The following EIF4G3 variants were observed in gnomAD, a reference collection of about 807,000 sequenced individuals.
EIF4G3 encodes eIF-4-gamma 3.
Under a neutral mutation model 186.4 loss-of-function variants are expected in EIF4G3, and 34 were observed. The observed-to-expected ratio is 0.18, with a 90% CI of 0.14 to 0.24. EIF4G3 has a LOEUF of 0.24. Ranked by LOEUF, EIF4G3 falls within the 10% of genes least tolerant of loss-of-function variation. The pLI is 1.00. For synonymous variants in EIF4G3, 673 were observed against 679.5 expected (o/e 0.99, Z 0.15); for missense variants, 1,536 against 1,948.5 (o/e 0.79, Z 3.99).
intron 20 of EIF4G3, among the ~76,000 whole-genome samples, chr1:20,866,037 C>T (rs1411471087): frequency 6.6e-6 from 1 of 152,146 alleles, no homozygotes; most frequent in East Asian, 1.9e-4. Flanking sequence ...TTCTAATTTA[C>T]AGATGACATC....
At chr1:21,105,911 T>TA (rs1435825850) in intron 2 of EIF4G3, among the ~76,000 whole-genome samples, 1 of 151,844 alleles carries the variant, frequency 6.6e-6, no homozygotes, top group Non-Finnish European at 1.5e-5. Flanking sequence ...AAAATACAAA[T>TA]AAAAAATTAG....
chr1:21,009,236 A>G (rs1570887995), intron 4 of EIF4G3, among the ~76,000 whole-genome samples: 1 of 152,316 alleles, frequency 6.6e-6, no homozygotes, highest in Admixed American at 6.5e-5. Flanking sequence ...GCTAAAGTGC[A>G]GTGCTACCAA....
chr1:21,089,696 G>C (rs1391561164), intron 2 of EIF4G3, among the ~76,000 whole-genome samples: 4 of 150,244 alleles, frequency 2.7e-5, no homozygotes, highest in East Asian at 2.0e-4. Context: ...GAGGTGGTAG[G>C]ATCACTTGAG....
chr1:21,158,850 C>G (rs780900472), intron 2 of EIF4G3, among the ~76,000 whole-genome samples: 1 of 151,900 alleles, frequency 6.6e-6, no homozygotes, highest in Non-Finnish European at 1.5e-5. Flanking sequence ...TTGCTGTTAA[C>G]GAAACTCAAA....
chr1:21,176,593 T>TCCG (rs901105837), intron 1 of EIF4G3, 129 bp downstream of exon 1: 79 of 153,570 alleles, frequency 5.1e-4, no homozygotes, highest in South Asian at 1.4e-3. Flanking sequence ...CGCCGCCGCC[T>TCCG]CCGCCGCCGC....
chr1:21,013,942 G>A (rs2088001113), intron 4 of EIF4G3, among the ~76,000 whole-genome samples: 1 of 152,186 alleles, frequency 6.6e-6, no homozygotes, highest in Non-Finnish European at 1.5e-5. Flanking sequence ...GGCTGAGGTG[G>A]GTGGATCACC....
chr1:20,941,653 C>A lies in EIF4G3; in HGVS notation c.1501G>T (p.Ala501Ser). The A allele has an allele frequency of 6.2e-7, 1 of 1,613,974 alleles. No homozygotes were observed. The highest frequency in any genetic ancestry group is 2.2e-5 in the East Asian group (1 of 44,886). The change falls in exon 14 of 37, where the codon GCC (alanine) becomes TCC (serine). Residue 501 changes from alanine (A) to serine (S), a missense_variant. Around this residue, in one of 11 missense-constraint regions of EIF4G3, gnomAD observed 560 missense variants for 547.8 expected, o/e 1.02. Transcript: ENST00000602326. ...TCTAGGACTCTCTGGACTGTGATGGCAGCACTCGGAGAACTAACAGTAGTG... is the reference window on the plus strand; with the variant it reads ...TCTAGGACTCTCTGGACTGTGATGGAAGCACTCGGAGAACTAACAGTAGTG... ...AATTVSSPSA[A>S]ITVQRVLEED... is the part of the protein sequence containing the mutation.
At chr1:21,077,547 A>G (rs2095624442) in intron 3 of EIF4G3, among the ~76,000 whole-genome samples, 1 of 151,764 alleles carries the variant, frequency 6.6e-6, no homozygotes, top group Non-Finnish European at 1.5e-5. Flanking sequence ...ATGAGATTTC[A>G]TCTCCCTCCA....
intron 33 of EIF4G3, among the ~76,000 whole-genome samples, chr1:20,818,143 A>G (rs2061511263): frequency 6.6e-6 from 1 of 152,122 alleles, no homozygotes. Context: ...TAGCTGCAAC[A>G]TAGCTCTTTA....
chr1:21,038,424 T>C (rs995328381), intron 4 of EIF4G3, among the ~76,000 whole-genome samples: 1 of 152,194 alleles, frequency 6.6e-6, no homozygotes, highest in Non-Finnish European at 1.5e-5. Flanking sequence ...GGACCCTCTC[T>C]GGACCTACTA....
intron 6 of EIF4G3, among the ~76,000 whole-genome samples, chr1:21,000,497 G>A (rs1019502926): frequency 3.3e-5 from 5 of 152,040 alleles, no homozygotes; most frequent in African/African-American, 7.2e-5. Flanking sequence ...AGATGGGACA[G>A]CTGTGAGATG....
chr1:21,083,683 A>C (rs1379502173), intron 3 of EIF4G3, among the ~76,000 whole-genome samples: 2 of 152,190 alleles, frequency 1.3e-5, no homozygotes, highest in Admixed American at 1.3e-4. Flanking sequence ...AATAGTAAAA[A>C]TCAAATTAGA....
chr1:21,127,257 G>A lies in EIF4G3; in HGVS notation c.-271-38044C>T, dbSNP rs369163950. 7.2e-5 allele frequency among the ~76,000 whole-genome samples: 11 copies of A among 152,186 alleles called. No homozygotes were observed. In the East Asian group the frequency reaches 1.4e-3, roughly 19 times the overall value. ...TCCCCAAAGTGCTGGGATTACAGGC[G>A]TGATCTACCATGCCTGGCCTCCTTT... On this transcript the variant is annotated intron_variant, in intron 2 of 36. Coordinates refer to ENST00000602326, the MANE Select transcript of EIF4G3 (RefSeq NM_001391906.1).
chr1:20,995,245 A>C (rs1255175136), intron 7 of EIF4G3, among the ~76,000 whole-genome samples: 4 of 152,258 alleles, frequency 2.6e-5, no homozygotes, highest in Admixed American at 2.0e-4. Context: ...GAACCCAAGT[A>C]GCAGAAACAT....
intron 33 of EIF4G3, among the ~76,000 whole-genome samples, chr1:20,819,953 A>T (rs1190737745): frequency 6.6e-6 from 1 of 152,012 alleles, no homozygotes; most frequent in Non-Finnish European, 1.5e-5. Context: ...AGAGAGAGAG[A>T]CAGAGAGAGA....
At chr1:20,860,116 G>A (rs2076003853) in intron 24 of EIF4G3, among the ~76,000 whole-genome samples, 1 of 152,044 alleles carries the variant, frequency 6.6e-6, no homozygotes, top group Non-Finnish European at 1.5e-5. Context: ...TCCTTTTCTC[G>A]TCTCACCAAT....
chr1:21,048,786 G>A (rs1029825332), intron 4 of EIF4G3, among the ~76,000 whole-genome samples: 3 of 152,128 alleles, frequency 2.0e-5, no homozygotes, highest in East Asian at 1.9e-4. Context: ...AAGCCACACC[G>A]TGCCCTCTCC....
At chr1:20,846,243 T>C (rs1300300138) in intron 29 of EIF4G3, among the ~76,000 whole-genome samples, 4 of 152,120 alleles carry the variant, frequency 2.6e-5, no homozygotes, top group Non-Finnish European at 5.9e-5. Flanking sequence ...ACAGGGAGAG[T>C]TTGACTTCCT....
At chr1:21,105,165 G>C (rs2096593128) in intron 2 of EIF4G3, among the ~76,000 whole-genome samples, 1 of 152,240 alleles carries the variant, frequency 6.6e-6, no homozygotes, top group Non-Finnish European at 1.5e-5. Flanking sequence ...GCTCACGCCT[G>C]TAATACCAGC....
Sources: gnomAD v4.1 joint callset for allele counts (sites outside exome capture counted in the v4.1 genomes callset) on GRCh38, gnomAD v4.1.1 for gene constraint, gnomAD v4.1.1 regional missense constraint, MANE v1.5 for transcripts, NCBI Gene and HGNC (gene_info 2026-07-23, HGNC 2026-07-21) for gene names.